CELF2: variants seen among roughly 807,000 people sequenced by gnomAD.
The protein encoded by CELF2 is CUG triplet repeat RNA-binding protein 2.
CELF2 carries 8 observed loss-of-function variants against 62.6 expected under a neutral mutation model. That is an observed-to-expected ratio of 0.13 (90% CI 0.07 to 0.23). The LOEUF is 0.23. Among genes scored for constraint, CELF2 ranks in the 10% least tolerant of loss-of-function variants. The pLI is 1.00. For missense variants in CELF2, 333 were observed against 671.0 expected, an observed-to-expected ratio of 0.50 and a Z score of 5.56; for synonymous variants, 258 against 250.0, an observed-to-expected ratio of 1.03 and a Z score of -0.30.
intron 1 of CELF2, among the ~76,000 whole-genome samples, chr10:11,061,148 C>T (rs976280987): frequency 1.5e-4 from 23 of 152,126 alleles, no homozygotes; most frequent in Admixed American, 1.0e-3. Flanking sequence ...GTGGTAAATG[C>T]AAAGGAAAAG....
intron 8 of CELF2, among the ~76,000 whole-genome samples, chr10:11,282,667 T>A (rs775690222): frequency 2.0e-5 from 3 of 152,214 alleles, no homozygotes; most frequent in Non-Finnish European, 1.5e-5. Context: ...CCTCAAGAGG[T>A]GAGTTCTACT....
At chr10:11,203,903 G>A (rs898624524) in intron 2 of CELF2, among the ~76,000 whole-genome samples, 1 of 152,196 alleles carries the variant, frequency 6.6e-6, no homozygotes, top group African/African-American at 2.4e-5. Flanking sequence ...GAAACAGATT[G>A]CGGTGTTGTG....
the CELF2 span, among the ~76,000 whole-genome samples, chr10:10,538,354 C>G: frequency 3.9e-5 from 6 of 152,146 alleles, no homozygotes; most frequent in Non-Finnish European, 7.3e-5. Context: ...AGCTCAGCCT[C>G]CTGGTCTCAG....
At position 10,936,192 on chromosome 10, in the gene CELF2, G is replaced by A. The variant is rs919633086; in HGVS notation, c.89+16193G>A. 7.9e-5 allele frequency among the ~76,000 whole-genome samples: 12 copies of A among 151,982 alleles called. No individual in the cohort carries two copies. Among genetic ancestry groups the A allele is most frequent in the Non-Finnish European group, 1.3e-4 (9 of 67,974 alleles). ...AAAAATAAATAAAATAATAAAGAGA[G>A]AGAAAAGAAAGAAACAATAAGTCTT... On this transcript the variant is annotated intron_variant, in intron 2 of 13. Transcript: ENST00000636488. This position sits in a 1 kb window ranked among gnomAD's most constrained non-coding sequence, Gnocchi z 4.0.
the CELF2 span, among the ~76,000 whole-genome samples, chr10:10,768,143 G>A: frequency 6.7e-6 from 1 of 149,350 alleles, no homozygotes; most frequent in East Asian, 2.0e-4. Flanking sequence ...TCCATCCTGG[G>A]CAACAGAGCA....
At chr10:10,606,813 C>T in the CELF2 span, among the ~76,000 whole-genome samples, 9 of 152,082 alleles carry the variant, frequency 5.9e-5, no homozygotes, top group African/African-American at 1.7e-4. Context: ...CTGGGAAAGT[C>T]TCCTTTCTCA....
chr10:10,703,740 C>A, the CELF2 span, among the ~76,000 whole-genome samples: 1 of 152,164 alleles, frequency 6.6e-6, no homozygotes, highest in Non-Finnish European at 1.5e-5. Context: ...ACATTACATT[C>A]TGAATCCCAA....
At chr10:10,648,265 C>T in the CELF2 span, among the ~76,000 whole-genome samples, 9 of 152,244 alleles carry the variant, frequency 5.9e-5, no homozygotes, top group African/African-American at 1.9e-4. Flanking sequence ...TCCTAAAAAT[C>T]CCAGGGAACC....
intron 8 of CELF2, among the ~76,000 whole-genome samples, chr10:11,275,723 G>A (rs2085800664): frequency 6.6e-6 from 1 of 152,160 alleles, no homozygotes; most frequent in South Asian, 2.1e-4. Context: ...GTATTTGAAA[G>A]CCAGCTCGTT....
rs1177254150 is a variant in CELF2 at position 11,321,577 on chromosome 10, T to C, written c.1294+191T>C. On this transcript the variant is annotated intron_variant, in intron 11 of 12. Transcript: ENST00000633077. The surrounding 1 kb of genome is among the most constrained non-coding windows in gnomAD (Gnocchi z 6.2). Reference sequence around the variant, plus strand: ...GGCATACACCTGTAGTCGCAGTTACTTGGCAGGTTGAGATGGGAGGATCGC... The same window carrying C: ...GGCATACACCTGTAGTCGCAGTTACCTGGCAGGTTGAGATGGGAGGATCGC... Among the ~76,000 whole-genome samples, 1 of 151,908 alleles carries C rather than the reference T, an allele frequency of 6.6e-6. No individual in the cohort carries two copies. Among genetic ancestry groups the C allele is most frequent in the Admixed American group, 6.5e-5 (1 of 15,268 alleles).
In CELF2 at chr10:11,227,773, T is replaced by C. The variant is rs1261037034; in HGVS notation, c.354+10266T>C. On this transcript the variant is annotated intron_variant, in intron 3 of 12. Coordinates refer to ENST00000633077, the MANE Select transcript of CELF2 (RefSeq NM_001326342.2). This position sits in a 1 kb window ranked among gnomAD's most constrained non-coding sequence, Gnocchi z 4.8. ...TTGCCACCTGTAGGCTGGCACTTTC[T>C]ACAACACTGTCACGCATCAGGGACG... 1.3e-5 allele frequency among the ~76,000 whole-genome samples: 2 copies of C among 152,184 alleles called. No homozygotes were observed. The highest frequency in any genetic ancestry group is 4.8e-5 in the African/African-American group (2 of 41,452).
chr10:10,465,446 T>C, the CELF2 span, among the ~76,000 whole-genome samples: 1 of 152,158 alleles, frequency 6.6e-6, no homozygotes, highest in African/African-American at 2.4e-5. Flanking sequence ...TGACATAATG[T>C]TTGCTTCTCT....
intron 2 of CELF2, among the ~76,000 whole-genome samples, chr10:10,932,610 A>C (rs1301240355): frequency 6.6e-6 from 1 of 152,180 alleles, no homozygotes; most frequent in Non-Finnish European, 1.5e-5. Flanking sequence ...AATCAATTTT[A>C]GTAGAAGAAA....
At chr10:10,636,328 G>A in the CELF2 span, among the ~76,000 whole-genome samples, 1 of 152,070 alleles carries the variant, frequency 6.6e-6, no homozygotes, top group Non-Finnish European at 1.5e-5. Flanking sequence ...TAATTAACAC[G>A]AGTTTAACTA....
the CELF2 span, among the ~76,000 whole-genome samples, chr10:10,587,821 A>T: frequency 2.6e-5 from 4 of 152,090 alleles, no homozygotes; most frequent in East Asian, 7.7e-4. Context: ...AAGAGGAGAA[A>T]TGAGGGCTTG....
At chr10:10,850,948 G>A (rs1181560213) in intron 1 of CELF2, among the ~76,000 whole-genome samples, 5 of 152,012 alleles carry the variant, frequency 3.3e-5, no homozygotes. Flanking sequence ...TGGGATTATA[G>A]GCGCCCCCCA....
chr10:11,285,154 T>G lies in CELF2; in HGVS notation c.842-3264T>G, dbSNP rs1385938347. 6.6e-6 allele frequency among the ~76,000 whole-genome samples: 1 copy of G among 151,880 alleles called. No homozygotes were observed. ...ATGGATGGATGGTTGGATGGATGGATGGGCAGATAGATGGACGAGCAAATA... is the reference window on the plus strand; with the variant it reads ...ATGGATGGATGGTTGGATGGATGGAGGGGCAGATAGATGGACGAGCAAATA... On this transcript the variant is annotated intron_variant, in intron 8 of 12. Transcript: ENST00000633077. The surrounding 1 kb of genome is among the most constrained non-coding windows in gnomAD (Gnocchi z 4.3).
chr10:10,688,124 T>A, the CELF2 span, among the ~76,000 whole-genome samples: 1 of 152,252 alleles, frequency 6.6e-6, no homozygotes, highest in African/African-American at 2.4e-5. Flanking sequence ...CTGGAGTTTT[T>A]ATTCTTGGAT....
Position 11,333,171 on chromosome 10 carries a change from C to T in CELF2, c.*4118C>T, listed in dbSNP as rs1320125887. 6.6e-6 allele frequency: 1 copy of T among 152,210 alleles called. No homozygotes were observed. Among genetic ancestry groups the T allele is most frequent in the South Asian group, 2.1e-4 (1 of 4,832 alleles). The allele number at this position is 152,210 out of a possible 1,614,324, so 9.4% of individuals were successfully genotyped here. A position where few individuals can be genotyped will look rare whatever the true frequency, so the allele number is the denominator to read the frequency against. On this transcript the variant is annotated 3_prime_UTR_variant, in exon 13 of 13. Transcript: ENST00000633077. ...GAGGCTCAGGACGCGCCCTCTGAAT[C>T]GAGTGTTTCTTCTTCACAAGTCACC...
Sources: gnomAD v4.1 joint callset for allele counts (sites outside exome capture counted in the v4.1 genomes callset) on GRCh38, gnomAD v4.1.1 for gene constraint, Gnocchi (gnomAD v3.1) non-coding constraint, MANE v1.5 for transcripts, NCBI Gene and HGNC (gene_info 2026-07-23, HGNC 2026-07-21) for gene names.